Variants in NAALAD2 observed in about 807,000 individuals in gnomAD.
The protein encoded by NAALAD2 is N-acetylated-alpha-linked acidic dipeptidase 2.
Under a neutral mutation model 95.6 loss-of-function variants are expected in NAALAD2, and 89 were observed. The ratio of observed to expected loss-of-function variants is 0.93; its 90% CI spans 0.78 to 1.11. NAALAD2 has a LOEUF of 1.11. Ranked by LOEUF, NAALAD2 falls within the 50% of genes least tolerant of loss-of-function variation. The pLI, the probability that NAALAD2 is intolerant of heterozygous loss-of-function variation, is 0.00. For missense variants in NAALAD2, 894 were observed against 872.4 expected (o/e 1.02, Z -0.31); for synonymous variants, 264 against 294.4 (o/e 0.90, Z 1.06).
intron 3 of NAALAD2, among the ~76,000 whole-genome samples, chr11:90,148,771 C>T (rs1046614299): frequency 9.2e-5 from 14 of 152,198 alleles, no homozygotes; most frequent in African/African-American, 3.1e-4. Context: ...TCTGCTGTTA[C>T]ACTTTATAAG....
At chr11:90,155,605 T>C (rs1489409794) in intron 6 of NAALAD2, among the ~76,000 whole-genome samples, 3 of 95,818 alleles carry the variant, frequency 3.1e-5, no homozygotes, top group African/African-American at 1.3e-4. Context: ...TAATAATATA[T>C]ATTACATATA....
chr11:90,150,430 T>G (rs901438269), intron 4 of NAALAD2, 52 bp from the exon 5 acceptor site: 6 of 1,171,196 alleles, frequency 5.1e-6, no homozygotes, highest in African/African-American at 3.3e-5. Flanking sequence ...ATTTTTTGTT[T>G]TTTTTTTTCT....
chr11:90,181,358 T>A (rs1317392135), intron 16 of NAALAD2, among the ~76,000 whole-genome samples: 4 of 152,176 alleles, frequency 2.6e-5, no homozygotes, highest in Non-Finnish European at 5.9e-5. Context: ...TCTGGGTTTC[T>A]GGTAAACTAT....
chr11:90,155,652 T>A lies in NAALAD2; in HGVS notation c.797-2493T>A, dbSNP rs1325734167. On this transcript the variant is annotated intron_variant, in intron 6 of 18. Transcript: ENST00000534061. Reference sequence around the variant, plus strand: ...TATTAATATATATATAATTATTACATATGTATGTATTATTATTGTATGTAT... The same window carrying A: ...TATTAATATATATATAATTATTACAAATGTATGTATTATTATTGTATGTAT... 8.6e-5 allele frequency among the ~76,000 whole-genome samples: 6 copies of A among 69,752 alleles called. No individual in the cohort carries two copies. In the East Asian group the frequency reaches 2.2e-3, roughly 25 times the overall value. 45.8% of individuals were successfully genotyped at this position (69,752 alleles called of 152,430 possible).
Position 90,173,930 on chromosome 11 carries a change from T to G in NAALAD2, c.1502+15T>G, listed in dbSNP as rs762011871. 6.6e-7 allele frequency: 1 copy of G among 1,518,904 alleles called. No individual in the cohort carries two copies. Among genetic ancestry groups the G allele is most frequent in the African/African-American group, 1.4e-5 (1 of 72,870 alleles). The allele number at this position is 1,518,904 out of a possible 1,614,324, so 94.1% of individuals were successfully genotyped here. On this transcript the variant is annotated intron_variant, in intron 14 of 18. Coordinates refer to ENST00000534061, the MANE Select transcript of NAALAD2 (RefSeq NM_005467.4). ...AATTTGCCTAGGTAAGTTACTGATA[T>G]GCACCTTTTCTACTGTAGGATAAGT...
intron 8 of NAALAD2, among the ~76,000 whole-genome samples, chr11:90,162,086 A>G (rs577014344): frequency 1.3e-5 from 2 of 152,258 alleles, no homozygotes; most frequent in African/African-American, 2.4e-5. Flanking sequence ...TCATTCTTCC[A>G]TTAAAAAACG....
rs772923205 is a variant in NAALAD2, at chr11:90,159,201, G to A, written c.891-38G>A. ...TTTAAAATTTCTCCTTAGAAATTGT[G>A]GTAGCCTTTTTCTGTCACTTTCATT... is the stretch of plus-strand genomic sequence containing the variant. On this transcript the variant is annotated intron_variant, in intron 7 of 18. Transcript: ENST00000534061. The A allele has an allele frequency of 2.8e-6, 4 of 1,428,790 alleles. No individual in the cohort carries two copies. The African/African-American group carries it at 5.6e-5, about 20-fold the overall frequency. 88.5% of individuals were successfully genotyped at this position (1,428,790 alleles called of 1,614,324 possible). A position where few individuals can be genotyped will look rare whatever the true frequency, so the allele number is the denominator to read the frequency against.
At chr11:90,169,300 A>AT (rs34235656) in intron 12 of NAALAD2, 81,469 of 202,538 alleles carry the variant, frequency 0.4, 17,067 homozygotes, top group African/African-American at 0.51. Flanking sequence ...TATTTTCTCG[A>AT]TAAAGATATT....
intron 4 of NAALAD2, among the ~76,000 whole-genome samples, chr11:90,149,827 A>G (rs184412312): frequency 1.2e-3 from 177 of 152,310 alleles, no homozygotes; most frequent in African/African-American, 4.2e-3. Context: ...ATCATACCAT[A>G]GAGGTTCTTA....
chr11:90,188,908 AG>A (rs762070866), intron 18 of NAALAD2, among the ~76,000 whole-genome samples: 24 of 152,202 alleles, frequency 1.6e-4, no homozygotes, highest in Non-Finnish European at 2.1e-4. Flanking sequence ...GGCCTCCCAA[AG>A]ATCTCTATTT....
In NAALAD2 at chr11:90,149,776, T is replaced by G. The variant is rs557936902; in HGVS notation, c.483+669T>G. On this transcript the variant is annotated intron_variant, in intron 4 of 18. Coordinates refer to ENST00000534061, the MANE Select transcript of NAALAD2 (RefSeq NM_005467.4). ...TTTACAAGCTTCTTTCCATTTTTCA[T>G]AATTTGAATATTTTATGGATTCATA... 5.3e-5 allele frequency among the ~76,000 whole-genome samples: 8 copies of G among 152,294 alleles called. 1 individual carries two copies. The South Asian group carries it at 1.7e-3, about 32-fold the overall frequency.
At chr11:90,157,397 A>T (rs893856315) in intron 6 of NAALAD2, among the ~76,000 whole-genome samples, 1 of 152,116 alleles carries the variant, frequency 6.6e-6, no homozygotes, top group Admixed American at 6.5e-5. Flanking sequence ...ATACTTTTCA[A>T]TCTTCCTTGA....
At chr11:90,148,767 G>A (rs1337449114) in intron 3 of NAALAD2, among the ~76,000 whole-genome samples, 1 of 152,134 alleles carries the variant, frequency 6.6e-6, no homozygotes, top group Admixed American at 6.5e-5. Context: ...AAGCTCTGCT[G>A]TTACACTTTA....
In NAALAD2 at chr11:90,147,511, A is replaced by C; in HGVS notation, c.376A>C (p.Thr126Pro). ...TATATCGATTGTGGATGAACATGAA[A>C]CTGAGGTATGTGAAATTGTTGGTAC... ...NYISIVDEHE[T>P]EIFKTSYLEP... The change falls in exon 3 of 19, where the codon ACT (threonine) becomes CCT (proline). Residue 126 changes from threonine (T) to proline (P), a missense_variant. Thr to Pro is a conservative substitution (Grantham distance 38). Coordinates refer to ENST00000534061, the MANE Select transcript of NAALAD2 (RefSeq NM_005467.4). 2 of 1,599,376 alleles carry C rather than the reference A, an allele frequency of 1.3e-6. No individual in the cohort carries two copies. The highest frequency in any genetic ancestry group is 1.7e-6 in the Non-Finnish European group (2 of 1,172,068).
At chr11:90,156,177 C>T (rs779048452) in intron 6 of NAALAD2, among the ~76,000 whole-genome samples, 5 of 151,880 alleles carry the variant, frequency 3.3e-5, no homozygotes, top group African/African-American at 7.3e-5. Context: ...TCTCAGATAA[C>T]TAGCTTTGGG....
chr11:90,162,990 G>A lies in NAALAD2; in HGVS notation c.1031G>A (p.Arg344Lys). The A allele has an allele frequency of 6.4e-7, 1 of 1,571,102 alleles. No individual in the cohort carries two copies. Among genetic ancestry groups the A allele is most frequent in the Non-Finnish European group, 8.7e-7 (1 of 1,153,068 alleles). Residue 344 changes from arginine (R) to lysine (K), a missense_variant, in exon 9 of 19, where the codon AGG (arginine) becomes AAG (lysine). Transcript: ENST00000534061. ...GTTTATAACATCAATAAAATTACAA[G>A]GATTTACAATGTAGTTGGAACTATC... Reference protein sequence around the residue: ...MHVYNINKITRIYNVVGTIRG... With the variant: ...MHVYNINKITKIYNVVGTIRG...
At chr11:90,156,980 G>A (rs1017370039) in intron 6 of NAALAD2, among the ~76,000 whole-genome samples, 1 of 152,040 alleles carries the variant, frequency 6.6e-6, no homozygotes, top group Non-Finnish European at 1.5e-5. Context: ...AACATACTGA[G>A]AATTTACTGA....
At chr11:90,148,071 T>G (rs1004716939) in intron 3 of NAALAD2, among the ~76,000 whole-genome samples, 12 of 152,128 alleles carry the variant, frequency 7.9e-5, no homozygotes, top group African/African-American at 2.4e-4. Flanking sequence ...AGGGCGTGTA[T>G]GCTGTCCTAG....
intron 2 of NAALAD2, among the ~76,000 whole-genome samples, chr11:90,146,215 A>AAC: frequency 6.6e-6 from 1 of 151,722 alleles, no homozygotes; most frequent in East Asian, 1.9e-4. Context: ...CTTGTCATAC[A>AAC]ACAGGTTTTC....
Sources: allele counts gnomAD v4.1 joint callset (sites outside exome capture counted in the v4.1 genomes callset), GRCh38; gene constraint gnomAD v4.1.1; transcripts MANE v1.5; gene names NCBI Gene and HGNC (gene_info 2026-07-23, HGNC 2026-07-21).